Variants in AKAP19 observed in about 807,000 individuals in gnomAD.
The protein encoded by AKAP19 is A-kinase anchoring protein 19, also known as small A-kinase anchoring protein.
chr2:190,096,859 C>T, the AKAP19 span, among the ~76,000 whole-genome samples: 7 of 152,124 alleles, frequency 4.6e-5, no homozygotes, highest in African/African-American at 1.7e-4. Flanking sequence ...GGCATCCTCA[C>T]ATGGTGGAAG....
At chr2:189,975,797 C>T in the AKAP19 span, among the ~76,000 whole-genome samples, 4 of 152,242 alleles carry the variant, frequency 2.6e-5, no homozygotes, top group Admixed American at 2.0e-4. Flanking sequence ...CTTGTGCATT[C>T]GTCAAGTAGT....
the AKAP19 span, among the ~76,000 whole-genome samples, chr2:189,975,590 C>G: frequency 6.6e-6 from 1 of 152,178 alleles, no homozygotes; most frequent in East Asian, 1.9e-4. Flanking sequence ...CAACTTGGTT[C>G]CATCCTCCCC....
the AKAP19 span, among the ~76,000 whole-genome samples, chr2:189,972,894 G>T: frequency 1.3e-5 from 2 of 152,150 alleles, no homozygotes; most frequent in African/African-American, 2.4e-5. Context: ...TGAGATGATG[G>T]GCTTTTCTAA....
chr2:190,115,486 A>AT, the AKAP19 span, among the ~76,000 whole-genome samples: 32 of 140,056 alleles, frequency 2.3e-4, no homozygotes, highest in African/African-American at 8.1e-4. Context: ...CGCCCGGCTA[A>AT]TTTTTTGTAT....
chr2:190,148,482 C>G, the AKAP19 span, among the ~76,000 whole-genome samples: 1 of 151,914 alleles, frequency 6.6e-6, no homozygotes, highest in Non-Finnish European at 1.5e-5. Flanking sequence ...TTGGTTATGT[C>G]CTTTCCTGGT....
At chr2:189,928,103 C>CAGGT in the AKAP19 span, among the ~76,000 whole-genome samples, 2 of 152,076 alleles carry the variant, frequency 1.3e-5, no homozygotes, top group Non-Finnish European at 2.9e-5. Flanking sequence ...ATTTATCTTT[C>CAGGT]AGGTCCTTAA....
the AKAP19 span, among the ~76,000 whole-genome samples, chr2:190,183,616 T>C: frequency 2.0e-5 from 3 of 152,112 alleles, no homozygotes; most frequent in Non-Finnish European, 4.4e-5. Context: ...AATTCTTTCT[T>C]TTAATTTTGA....
chr2:190,103,966 A>G, the AKAP19 span, among the ~76,000 whole-genome samples: 3 of 152,244 alleles, frequency 2.0e-5, no homozygotes, highest in Non-Finnish European at 4.4e-5. Flanking sequence ...CCAAAACAGC[A>G]TGGTACTGGT....
the AKAP19 span, among the ~76,000 whole-genome samples, chr2:189,908,289 T>A: frequency 1.6e-3 from 243 of 151,322 alleles, no homozygotes; most frequent in African/African-American, 5.8e-3. Flanking sequence ...TGCCTCCCAG[T>A]TTCAAGTGAT....
chr2:189,923,751 C>G, the AKAP19 span: 5 of 1,613,474 alleles, frequency 3.1e-6, no homozygotes, highest in East Asian at 6.7e-5. Context: ...ATTGCTCGGG[C>G]TGTAGTGCCC....
chr2:189,953,813 G>A, the AKAP19 span, among the ~76,000 whole-genome samples: 1 of 152,084 alleles, frequency 6.6e-6, no homozygotes, highest in Non-Finnish European at 1.5e-5. Flanking sequence ...GCTAACAGCT[G>A]GTAGAACCAA....
the AKAP19 span, among the ~76,000 whole-genome samples, chr2:190,192,478 G>GTGTA: frequency 6.9e-6 from 1 of 145,104 alleles, no homozygotes; most frequent in Middle Eastern, 3.4e-3. Flanking sequence ...GTGTGTGTGT[G>GTGTA]TGTGTGTGTG....
chr2:190,179,556 A>G, the AKAP19 span, among the ~76,000 whole-genome samples: 1 of 152,240 alleles, frequency 6.6e-6, no homozygotes, highest in Non-Finnish European at 1.5e-5. The surrounding 1 kb of genome is among the most constrained non-coding windows in gnomAD (Gnocchi z 6.0). Flanking sequence ...CTGGGTTTGT[A>G]TATAACCTTA....
chr2:189,883,166 C>A, the AKAP19 span, among the ~76,000 whole-genome samples: 3 of 152,136 alleles, frequency 2.0e-5, no homozygotes, highest in Admixed American at 2.0e-4. Context: ...GCCCACAGTT[C>A]CTAATCTTGA....
the AKAP19 span, among the ~76,000 whole-genome samples, chr2:190,153,203 A>G: frequency 6.6e-6 from 1 of 152,136 alleles, no homozygotes; most frequent in African/African-American, 2.4e-5. Flanking sequence ...CCACTTGCCC[A>G]TTATTTCTAA....
At chr2:190,023,884 T>C in the AKAP19 span, among the ~76,000 whole-genome samples, 1 of 151,328 alleles carries the variant, frequency 6.6e-6, no homozygotes, top group African/African-American at 2.4e-5. Context: ...AGTTACATTG[T>C]AACATTTTCC....
At chr2:190,118,088 C>G in the AKAP19 span, among the ~76,000 whole-genome samples, 1 of 152,184 alleles carries the variant, frequency 6.6e-6, no homozygotes, top group Non-Finnish European at 1.5e-5. Context: ...ACTGTAAACA[C>G]CTCTACGCAA....
chr2:190,104,239 A>T, the AKAP19 span, among the ~76,000 whole-genome samples: 1 of 152,228 alleles, frequency 6.6e-6, no homozygotes, highest in African/African-American at 2.4e-5. Context: ...GAATCTTAGA[A>T]GAAAACCTAG....
At chr2:190,126,837 G>A in the AKAP19 span, among the ~76,000 whole-genome samples, 1 of 151,986 alleles carries the variant, frequency 6.6e-6, no homozygotes, top group Non-Finnish European at 1.5e-5. Flanking sequence ...CAAAAGACTT[G>A]TCAAGTTCTC....
Sources: allele counts gnomAD v4.1 joint callset (sites outside exome capture counted in the v4.1 genomes callset), GRCh38; gene constraint gnomAD v4.1.1; non-coding constraint Gnocchi (gnomAD v3.1); transcripts MANE v1.5; gene names NCBI Gene and HGNC (gene_info 2026-07-23, HGNC 2026-07-21).